Variants in WWOX observed in about 807,000 individuals in gnomAD.
The protein encoded by WWOX is WW domain-containing oxidoreductase.
Under a neutral mutation model 46.2 loss-of-function variants are expected in WWOX, and 69 were observed. The observed-to-expected ratio is 1.49, with a 90% CI of 1.23 to 1.82. The LOEUF is 1.82. Ranked by LOEUF, WWOX falls within the 40% of genes most tolerant of loss-of-function variation. The probability of loss-of-function intolerance (pLI) is 0.00; values close to 1 mark genes in which losing one functional copy is unlikely to be tolerated. For missense variants in WWOX, 919 were observed against 542.6 expected, an observed-to-expected ratio of 1.69 and a Z score of -6.89; for synonymous variants, 359 against 202.6, an observed-to-expected ratio of 1.77 and a Z score of -6.56.
chr16:79,075,872 T>G (rs1230340497), intron 8 of WWOX, among the ~76,000 whole-genome samples: 2 of 152,232 alleles, frequency 1.3e-5, no homozygotes, highest in Non-Finnish European at 2.9e-5. Context: ...TAAGTTATTT[T>G]TCAGAATTAT....
At chr16:78,797,367 A>AAAAAG (rs1287070749) in intron 8 of WWOX, among the ~76,000 whole-genome samples, 2 of 149,136 alleles carry the variant, frequency 1.3e-5, no homozygotes, top group African/African-American at 5.1e-5. Context: ...GTAAAAAAAA[A>AAAAAG]AAAAAAAAAA....
intron 8 of WWOX, among the ~76,000 whole-genome samples, chr16:79,074,114 C>T (rs1447860042): frequency 6.6e-6 from 1 of 152,068 alleles, no homozygotes; most frequent in Non-Finnish European, 1.5e-5. Flanking sequence ...CTTTTACCGG[C>T]TGACTAGAAT....
At chr16:78,365,332 T>A (rs1046393745) in intron 5 of WWOX, among the ~76,000 whole-genome samples, 2 of 152,136 alleles carry the variant, frequency 1.3e-5, no homozygotes, top group Non-Finnish European at 2.9e-5. Context: ...ATGTTTTTGT[T>A]TTGTTTTTCT....
chr16:79,197,874 T>G (rs537081823), intron 8 of WWOX, among the ~76,000 whole-genome samples: 2 of 152,246 alleles, frequency 1.3e-5, no homozygotes, highest in African/African-American at 4.8e-5. Flanking sequence ...GATATAAGGC[T>G]CTCACTTTCC....
chr16:78,328,458 C>G (rs1295421173), intron 5 of WWOX, among the ~76,000 whole-genome samples: 1 of 152,086 alleles, frequency 6.6e-6, no homozygotes, highest in Non-Finnish European at 1.5e-5. Flanking sequence ...TTTGGATGAG[C>G]TGTTTAATTT....
At chr16:78,546,397 G>C (rs2044032537) in intron 8 of WWOX, among the ~76,000 whole-genome samples, 1 of 152,138 alleles carries the variant, frequency 6.6e-6, no homozygotes, top group African/African-American at 2.4e-5. Context: ...TTGAAAGGCA[G>C]CCCACATTGA....
chr16:78,916,362 C>G (rs1170591816), intron 8 of WWOX, among the ~76,000 whole-genome samples: 1 of 152,128 alleles, frequency 6.6e-6, no homozygotes, highest in Non-Finnish European at 1.5e-5. Context: ...CGTTCGACAG[C>G]TGTAAAGCTA....
chr16:78,170,526 C>G (rs916982293), intron 5 of WWOX, among the ~76,000 whole-genome samples: 2 of 152,210 alleles, frequency 1.3e-5, no homozygotes, highest in Non-Finnish European at 2.9e-5. Context: ...AAGAGGAGCT[C>G]TAGGGCAGAT....
chr16:78,710,045 T>C (rs1231696125), intron 8 of WWOX, among the ~76,000 whole-genome samples: 1 of 152,114 alleles, frequency 6.6e-6, no homozygotes, highest in South Asian at 2.1e-4. Context: ...GTTGCCTTTC[T>C]TACCAGCCTG....
intron 8 of WWOX, among the ~76,000 whole-genome samples, chr16:79,053,797 C>G (rs1025884415): frequency 4.6e-5 from 7 of 152,138 alleles, no homozygotes; most frequent in African/African-American, 1.7e-4. Flanking sequence ...CCTGGAGCCT[C>G]TGACTTGCAA....
intron 8 of WWOX, chr16:79,017,006 G>T (rs1313988336): frequency 6.6e-6 from 1 of 152,130 alleles, no homozygotes; most frequent in Non-Finnish European, 1.5e-5. Flanking sequence ...GCCCTAGATG[G>T]TATCACCTTC....
chr16:78,666,265 G>C (rs935736963), intron 8 of WWOX, among the ~76,000 whole-genome samples: 1 of 151,954 alleles, frequency 6.6e-6, no homozygotes, highest in East Asian at 2.0e-4. Flanking sequence ...CTCTAGCCTG[G>C]GTGACAGAGC....
In WWOX at chr16:79,058,120, ACAAACAAAC is replaced by A. The variant is rs148657668; in HGVS notation, c.1057-153487_1057-153479del. Among the ~76,000 whole-genome samples the A allele has an allele frequency of 6.6e-3, 499 of 75,784 alleles. 14 individuals carry two copies. Among genetic ancestry groups the A allele is most frequent in the African/African-American group, 0.05 (449 of 8,918 alleles). The allele number at this position is 75,784 out of a possible 152,430, so 49.7% of individuals were successfully genotyped here. ...TATATCTTACTTAAAAAAAAAAAAA[ACAAACAAAC>A]AAAAAAAAAAAACTCCTTCTTCATT... On this transcript the variant is annotated intron_variant, in intron 8 of 8. Transcript: ENST00000566780.
chr16:78,171,543 T>C (rs917963219), intron 5 of WWOX, among the ~76,000 whole-genome samples: 7 of 152,108 alleles, frequency 4.6e-5, no homozygotes, highest in African/African-American at 1.7e-4. Flanking sequence ...GTGACTTGGC[T>C]TGGAAAAGAT....
At chr16:78,825,841 G>C in intron 8 of WWOX, 1 of 617,876 alleles carries the variant, frequency 1.6e-6, no homozygotes, top group South Asian at 1.9e-5. Context: ...TGAAGGTCAT[G>C]CTGCCCTGGG....
chr16:78,419,086 G>A (rs1425452316), intron 6 of WWOX, among the ~76,000 whole-genome samples: 1 of 152,104 alleles, frequency 6.6e-6, no homozygotes, highest in Middle Eastern at 3.4e-3. Flanking sequence ...AAATGAACAG[G>A]TTCAGCCAGG....
At chr16:78,254,499 C>CTTT (rs1597405923) in intron 5 of WWOX, among the ~76,000 whole-genome samples, 4 of 52,124 alleles carry the variant, frequency 7.7e-5, no homozygotes, top group African/African-American at 3.6e-4. Flanking sequence ...TCTTTTCTTT[C>CTTT]TTGTTTTTTT....
chr16:79,017,047 C>G (rs1043234449), intron 8 of WWOX: 2 of 152,258 alleles, frequency 1.3e-5, no homozygotes, highest in South Asian at 4.2e-4. Context: ...AATATGAGCA[C>G]TGAGTGTAAC....
intron 8 of WWOX, among the ~76,000 whole-genome samples, chr16:78,768,376 G>T (rs1016331258): frequency 6.6e-6 from 1 of 151,184 alleles, no homozygotes; most frequent in Non-Finnish European, 1.5e-5. Context: ...GATCATCTGA[G>T]GTGAGGAGTT....
Sources: gnomAD v4.1 joint callset for allele counts (sites outside exome capture counted in the v4.1 genomes callset) on GRCh38, gnomAD v4.1.1 for gene constraint, MANE v1.5 for transcripts, NCBI Gene and HGNC (gene_info 2026-07-23, HGNC 2026-07-21) for gene names.